The following NMT2 variants were observed in gnomAD, a reference collection of about 807,000 sequenced individuals.
NMT2 encodes N-myristoyltransferase 2, also known as glycylpeptide N-tetradecanoyltransferase 2.
Under a neutral mutation model 65.4 loss-of-function variants are expected in NMT2, and 35 were observed. The observed-to-expected ratio is 0.54, with a 90% confidence interval of 0.41 to 0.71. The LOEUF (loss-of-function observed/expected upper bound fraction) is 0.71, where lower values mean the gene tolerates loss of function less well. Among genes scored for constraint, NMT2 ranks in the 30% least tolerant of loss-of-function variants. The pLI is 0.00. For missense variants in NMT2, 489 were observed against 611.3 expected (o/e 0.80, Z 2.11); for synonymous variants, 226 against 231.8 (o/e 0.98, Z 0.23).
Position 15,108,631 on chromosome 10 carries a change from A to C in NMT2, c.*564T>G. The stretch of plus-strand genomic sequence containing the variant: ...TGGAGAAATACATGTACTAGTCACC[A>C]GTACATTTTAATATTGCTCTGCACT... On this transcript the variant is annotated 3_prime_UTR_variant, in exon 12 of 12. Transcript: ENST00000378165. 1 of 987,684 alleles carries C rather than the reference A, an allele frequency of 1.0e-6. No homozygotes were observed. The highest frequency in any genetic ancestry group is 1.7e-5 in the African/African-American group (1 of 57,396). The allele number at this position is 987,684 out of a possible 1,614,324, so 61.2% of individuals were successfully genotyped here. A position where few individuals can be genotyped will look rare whatever the true frequency, so the allele number is the denominator to read the frequency against.
intron 9 of NMT2, among the ~76,000 whole-genome samples, chr10:15,118,050 G>A (rs1845801324): frequency 6.6e-6 from 1 of 152,116 alleles, no homozygotes; most frequent in Admixed American, 6.5e-5. Context: ...AAGGAAATAG[G>A]TTAATTAAAA....
In NMT2 at chr10:15,140,103, C is replaced by T. The variant is rs183725330; in HGVS notation, c.246+1319G>A. 1.7e-3 allele frequency among the ~76,000 whole-genome samples: 256 copies of T among 151,740 alleles called. 1 individual carries two copies. Among genetic ancestry groups the T allele is most frequent in the African/African-American group, 6.0e-3 (247 of 41,424 alleles). ...CAGACATCACCCCTTGAGCTGTTTC[C>T]ACAATACCACATGCTACTCACATTG... On this transcript the variant is annotated intron_variant, in intron 2 of 11. Transcript: ENST00000378165.
At chr10:15,115,191 G>A (rs751332532) in intron 9 of NMT2, among the ~76,000 whole-genome samples, 2 of 152,080 alleles carry the variant, frequency 1.3e-5, no homozygotes, top group Non-Finnish European at 2.9e-5. Flanking sequence ...GAATAATAGA[G>A]TAGAAATTTG....
chr10:15,164,006 C>T (rs986488633), intron 1 of NMT2, among the ~76,000 whole-genome samples: 5 of 151,834 alleles, frequency 3.3e-5, no homozygotes, highest in South Asian at 2.1e-4. Context: ...GGTGAAACCC[C>T]GTCTCTACTA....
At chr10:15,128,162 G>A (rs74125518) in intron 8 of NMT2, among the ~76,000 whole-genome samples, 188 bp downstream of exon 8, 5,087 of 152,266 alleles carry the variant, frequency 0.033, 142 homozygotes, top group African/African-American at 0.071. Context: ...TGGGAAAAAA[G>A]GAAAGATTGG....
At chr10:15,133,017 C>T (rs374630039) in intron 5 of NMT2, 36 bp downstream of exon 5, 112 of 1,597,264 alleles carry the variant, frequency 7.0e-5, no homozygotes, top group Middle Eastern at 6.6e-4. Flanking sequence ...AAGTCAGCAG[C>T]GCCTATCCAC....
chr10:15,115,634 C>T (rs574302262), intron 9 of NMT2, among the ~76,000 whole-genome samples: 1 of 152,320 alleles, frequency 6.6e-6, no homozygotes, highest in Admixed American at 6.5e-5. Flanking sequence ...GGTCTAAATA[C>T]ACCAATCAAA....
chr10:15,138,504 C>T lies in NMT2; in HGVS notation c.246+2918G>A, dbSNP rs142725953. ...ATATCTACCCGACATTAACTTCCCA[C>T]GATTCCACTCCTATATAAGAGGCAG... On this transcript the variant is annotated intron_variant, in intron 2 of 11. Coordinates refer to ENST00000378165, the MANE Select transcript of NMT2 (RefSeq NM_004808.3). 569 of 470,874 alleles carry T rather than the reference C, an allele frequency of 1.2e-3. 6 individuals are homozygous for T. Among genetic ancestry groups the T allele is most frequent in the African/African-American group, 9.9e-3 (497 of 50,166 alleles). 29.2% of individuals were successfully genotyped at this position (470,874 alleles called of 1,614,324 possible). A position where few individuals can be genotyped will look rare whatever the true frequency, so the allele number is the denominator to read the frequency against.
intron 2 of NMT2, chr10:15,139,910 T>TATATGC: frequency 1.1e-5 from 1 of 90,576 alleles, no homozygotes; most frequent in Non-Finnish European, 2.3e-5. Context: ...TATATATATA[T>TATATGC]GCACTGTTTT....
chr10:15,164,235 A>AGGGACTAAT (rs1833302433), intron 1 of NMT2, among the ~76,000 whole-genome samples: 1 of 149,832 alleles, frequency 6.7e-6, no homozygotes, highest in East Asian at 2.0e-4. Flanking sequence ...TGTCTACCCC[A>AGGGACTAAT]GGGACTAATT....
intron 6 of NMT2, among the ~76,000 whole-genome samples, 184 bp from the exon 7 acceptor site, chr10:15,130,496 C>T (rs1259986344): frequency 1.3e-5 from 2 of 151,766 alleles, no homozygotes; most frequent in Admixed American, 6.6e-5. Context: ...TGCTTGAGAC[C>T]AGGAGTTCCA....
intron 1 of NMT2, among the ~76,000 whole-genome samples, chr10:15,145,897 G>C (rs1175387600): frequency 6.6e-6 from 1 of 152,096 alleles, no homozygotes; most frequent in African/African-American, 2.4e-5. Context: ...AGATGCCCCC[G>C]TGCCTGGGTG....
At chr10:15,164,002 A>AC (rs1833289532) in intron 1 of NMT2, among the ~76,000 whole-genome samples, 2 of 151,916 alleles carry the variant, frequency 1.3e-5, no homozygotes, top group African/African-American at 4.8e-5. Flanking sequence ...ACATGGTGAA[A>AC]CCCCGTCTCT....
intron 1 of NMT2, among the ~76,000 whole-genome samples, chr10:15,145,084 G>A (rs191496397): frequency 6.6e-6 from 1 of 152,056 alleles, no homozygotes; most frequent in Non-Finnish European, 1.5e-5. Flanking sequence ...ACAAAGAGTC[G>A]ATAAAAACAG....
At chr10:15,119,949 G>C (rs1297266357) in intron 8 of NMT2, among the ~76,000 whole-genome samples, 1 of 152,164 alleles carries the variant, frequency 6.6e-6, no homozygotes, top group Non-Finnish European at 1.5e-5. Flanking sequence ...GACTTCTGGA[G>C]TACAGGCAGC....
At chr10:15,150,785 C>T (rs985338291) in intron 1 of NMT2, among the ~76,000 whole-genome samples, 3 of 152,112 alleles carry the variant, frequency 2.0e-5, no homozygotes, top group Non-Finnish European at 4.4e-5. Flanking sequence ...AATATTTACA[C>T]GGCTGTTAGC....
At chr10:15,165,086 C>T (rs1833332453) in intron 1 of NMT2, among the ~76,000 whole-genome samples, 1 of 151,722 alleles carries the variant, frequency 6.6e-6, no homozygotes, top group African/African-American at 2.4e-5. Flanking sequence ...TTGCTTGAAC[C>T]CGGGAGGTGG....
Position 15,106,034 on chromosome 10 carries a change from G to A in NMT2, c.*3161C>T. Reference sequence around the variant, plus strand: ...TTTCGAGATAGAGTCTCACTCTGTTGCCCAGGCTGGAGTGCAGTGGTGTGA... The same window carrying A: ...TTTCGAGATAGAGTCTCACTCTGTTACCCAGGCTGGAGTGCAGTGGTGTGA... On this transcript the variant is annotated 3_prime_UTR_variant, in exon 12 of 12. Transcript: ENST00000378165. 1 of 407,154 alleles carries A rather than the reference G, an allele frequency of 2.5e-6. No homozygotes were observed. Among genetic ancestry groups the A allele is most frequent in the Non-Finnish European group, 4.8e-6 (1 of 208,380 alleles). 25.2% of individuals were successfully genotyped at this position (407,154 alleles called of 1,614,324 possible).
chr10:15,112,196 A>T (rs1255044185), intron 10 of NMT2, among the ~76,000 whole-genome samples: 5 of 12,748 alleles, frequency 3.9e-4, no homozygotes, highest in African/African-American at 4.0e-4. Flanking sequence ...ATATATATAT[A>T]TATATATATA....
Sources: allele counts gnomAD v4.1 joint callset (sites outside exome capture counted in the v4.1 genomes callset), GRCh38; gene constraint gnomAD v4.1.1; transcripts MANE v1.5; gene names NCBI Gene and HGNC (gene_info 2026-07-23, HGNC 2026-07-21).